SRC: variants seen among roughly 807,000 people sequenced by gnomAD.
The protein encoded by SRC is proto-oncogene tyrosine-protein kinase Src.
In SRC, 13 loss-of-function variants were observed where a neutral mutation model predicts 62.9. The ratio of observed to expected loss-of-function variants is 0.21; its 90% CI spans 0.13 to 0.33. SRC has a LOEUF of 0.33. Among genes scored for constraint, SRC ranks in the 10% least tolerant of loss-of-function variants. The pLI is 1.00. For missense variants in SRC, 457 were observed against 737.3 expected, an observed-to-expected ratio of 0.62 and a Z score of 4.40; for synonymous variants, 302 against 317.5, an observed-to-expected ratio of 0.95 and a Z score of 0.52.
intron 2 of SRC, among the ~76,000 whole-genome samples, chr20:37,376,095 A>G (rs2070272493): frequency 6.6e-6 from 1 of 152,218 alleles, no homozygotes; most frequent in African/African-American, 2.4e-5. Context: ...GGGGATGCAC[A>G]TTCAGTCCAT....
rs773313462 is a variant in SRC at position 37,403,259 on chromosome 20, C to T, written c.1491C>T (p.Leu497=). The change falls in exon 14 of 14, where the codon CTC becomes CTT. Residue 497 remains leucine, a synonymous_variant. Transcript: ENST00000373578. This position sits in a 1 kb window ranked among gnomAD's most constrained non-coding sequence, Gnocchi z 7.1. The part of the protein sequence containing the change: ...PPECPESLHD[L]MCQCWRKEPE... ...AGTGTCCCGAGTCCCTGCACGACCT[C>T]ATGTGCCAGTGCTGGCGGAAGGAGC... 7 of 1,594,648 alleles carry T rather than the reference C, an allele frequency of 4.4e-6. No homozygotes were observed. Among genetic ancestry groups the T allele is most frequent in the Non-Finnish European group, 6.0e-6 (7 of 1,171,530 alleles).
At chr20:37,382,595 G>C (rs1044029414) in intron 2 of SRC, 24 bp from the exon 3 acceptor site, 1 of 152,260 alleles carries the variant, frequency 6.6e-6, no homozygotes, top group African/African-American at 2.4e-5. Context: ...GTGCTGAGAT[G>C]TCTGCTTTAT....
chr20:37,397,811 G>A lies in SRC; in HGVS notation c.816G>A (p.Leu272=), dbSNP rs767120573. 6.2e-7 allele frequency: 1 copy of A among 1,611,930 alleles called. No homozygotes were observed. The highest frequency in any genetic ancestry group is 1.1e-5 in the South Asian group (1 of 90,878). ...AWEIPRESLR[L]EVKLGQGCFG... is the part of the protein sequence containing the mutation. The stretch of plus-strand genomic sequence containing the variant: ...AGATCCCTCGGGAGTCGCTGCGGCT[G>A]GAGGTCAAGCTGGGCCAGGGCTGCT... Residue 272 remains leucine, a synonymous_variant, in exon 9 of 14, where the codon CTG becomes CTA. Transcript: ENST00000373578. The surrounding 1 kb of genome is among the most constrained non-coding windows in gnomAD (Gnocchi z 4.1).
intron 10 of SRC, 132 bp downstream of exon 10, chr20:37,400,426 C>T: frequency 1.2e-6 from 1 of 800,578 alleles, no homozygotes. Context: ...TTCTCTGTTG[C>T]CTGGGCCGGA....
At chr20:37,387,338 C>A (rs1306112809) in intron 5 of SRC, among the ~76,000 whole-genome samples, 2 of 152,176 alleles carry the variant, frequency 1.3e-5, no homozygotes, top group Non-Finnish European at 2.9e-5. Flanking sequence ...AGTTGCCATG[C>A]CAGTCGTCTC....
In SRC at chr20:37,352,746, T is replaced by G. The variant is rs377197533; in HGVS notation, c.-247+6491T>G. Among the ~76,000 whole-genome samples the G allele has an allele frequency of 2.0e-5, 3 of 151,850 alleles. No individual in the cohort carries two copies. In the East Asian group the frequency reaches 5.8e-4, roughly 30 times the overall value. On this transcript the variant is annotated intron_variant, in intron 1 of 13. Transcript: ENST00000373578. ...GCTGCACAGCAAGGGCCCCTAGAGG[T>G]GCCCTGCCCCGATCATCTCCCATAT...
intron 5 of SRC, among the ~76,000 whole-genome samples, chr20:37,390,134 T>C (rs1438739517): frequency 1.3e-5 from 2 of 152,202 alleles, no homozygotes; most frequent in Admixed American, 1.3e-4. Context: ...TGACGCTCAC[T>C]GTTTACACAC....
rs769407313 is a variant in SRC at position 37,394,281 on chromosome 20, C to T, written c.553+4C>T. On this transcript the variant is annotated splice_donor_region_variant and intron_variant, in intron 7 of 13. Transcript: ENST00000373578. ...CGAGAAAGTGAGACCACGAAAGGTA[C>T]GAGCGCTCTTGCTGGCCAACGGATA... is the stretch of plus-strand genomic sequence containing the variant. 43 of 1,613,142 alleles carry T rather than the reference C, an allele frequency of 2.7e-5. No homozygotes were observed. The highest frequency in any genetic ancestry group is 2.3e-4 in the Admixed American group (14 of 60,006).
At position 37,404,194 on chromosome 20, in the gene SRC, G is replaced by A; in HGVS notation, c.*815G>A. On this transcript the variant is annotated 3_prime_UTR_variant, in exon 14 of 14. Transcript: ENST00000373578. Reference sequence around the variant, plus strand: ...ATCATGGAAAGACTGGGACAGCCCAGGAAACAAGGGGTCTGAGGATGCATT... The same window carrying A: ...ATCATGGAAAGACTGGGACAGCCCAAGAAACAAGGGGTCTGAGGATGCATT... 4.3e-6 allele frequency: 1 copy of A among 233,732 alleles called. No homozygotes were observed. Among genetic ancestry groups the A allele is most frequent in the Non-Finnish European group, 8.5e-6 (1 of 118,074 alleles). 14.5% of individuals were successfully genotyped at this position (233,732 alleles called of 1,614,324 possible).
At chr20:37,353,351 G>A (rs146334793) in intron 1 of SRC, among the ~76,000 whole-genome samples, 6 of 152,224 alleles carry the variant, frequency 3.9e-5, no homozygotes, top group Non-Finnish European at 8.8e-5. Flanking sequence ...TTGTCAAAAG[G>A]AGGATTTGGA....
At chr20:37,349,645 C>T (rs1209213350) in intron 1 of SRC, among the ~76,000 whole-genome samples, 2 of 152,204 alleles carry the variant, frequency 1.3e-5, no homozygotes. Flanking sequence ...CACTCGGCCT[C>T]TCTGGGTCTG....
chr20:37,402,892 C>T lies in SRC; in HGVS notation c.1402+12C>T, dbSNP rs763750713. The T allele has an allele frequency of 4.2e-5, 68 of 1,610,748 alleles. No individual in the cohort carries two copies. Among genetic ancestry groups the T allele is most frequent in the Middle Eastern group, 1.7e-4 (1 of 6,016 alleles). On this transcript the variant is annotated intron_variant, in intron 13 of 13. Transcript: ENST00000373578. The surrounding 1 kb of genome is among the most constrained non-coding windows in gnomAD (Gnocchi z 6.2). ...GGTGCCCTACCCTGGTAAGAAGGTC[C>T]TCATGGCCTGTCTGTGGTCCCTGAA...
Position 37,402,230 on chromosome 20 carries a change from G to T in SRC, c.1117-205G>T. Reference sequence around the variant, plus strand: ...CTTTGACCTTTGCCTTCTGCCCTCTGCTCTGTGCCCTGTGCTCCCTACTCC... The same window carrying T: ...CTTTGACCTTTGCCTTCTGCCCTCTTCTCTGTGCCCTGTGCTCCCTACTCC... On this transcript the variant is annotated intron_variant, in intron 11 of 13. Coordinates refer to ENST00000373578, the MANE Select transcript of SRC (RefSeq NM_198291.3). The surrounding 1 kb of genome is among the most constrained non-coding windows in gnomAD (Gnocchi z 6.2). 1 of 590,280 alleles carries T rather than the reference G, an allele frequency of 1.7e-6. No individual in the cohort carries two copies. Among genetic ancestry groups the T allele is most frequent in the Non-Finnish European group, 2.9e-6 (1 of 342,444 alleles). 36.6% of individuals were successfully genotyped at this position (590,280 alleles called of 1,614,324 possible). A position where few individuals can be genotyped will look rare whatever the true frequency, so the allele number is the denominator to read the frequency against.
At chr20:37,379,760 G>A (rs983295315) in intron 2 of SRC, among the ~76,000 whole-genome samples, 9 of 150,282 alleles carry the variant, frequency 6.0e-5, no homozygotes, top group Admixed American at 2.0e-4. Context: ...GCCAGGCGTG[G>A]TATTCGGTGA....
chr20:37,370,662 G>A lies in SRC; in HGVS notation c.-173+5385G>A, dbSNP rs573566139. Among the ~76,000 whole-genome samples the A allele has an allele frequency of 3.4e-3, 519 of 152,244 alleles. 2 individuals carry two copies. Among genetic ancestry groups the A allele is most frequent in the Non-Finnish European group, 6.0e-3 (409 of 68,010 alleles). ...TTCTTTTCATATGTTGCTGGATCCA[G>A]TTTTCTAGTATTTTGTAGAAGATTT... On this transcript the variant is annotated intron_variant, in intron 2 of 13. Transcript: ENST00000373578.
In SRC at chr20:37,384,372, C is replaced by T; in HGVS notation, c.219C>T (p.Val73=). Residue 73 remains valine, a synonymous_variant, in exon 4 of 14, where the codon GTC becomes GTT. Coordinates refer to ENST00000373578, the MANE Select transcript of SRC (RefSeq NM_198291.3). The surrounding 1 kb of genome is among the most constrained non-coding windows in gnomAD (Gnocchi z 6.7). ...GAGGCTTCAACTCCTCGGACACCGTCACCTCCCCGCAGAGGGCGGGCCCGC... is the reference window on the plus strand; with the variant it reads ...GAGGCTTCAACTCCTCGGACACCGTTACCTCCCCGCAGAGGGCGGGCCCGC... The part of the protein sequence containing the change: ...LFGGFNSSDT[V]TSPQRAGPLA... 1 of 1,456,684 alleles carries T rather than the reference C, an allele frequency of 6.9e-7. No homozygotes were observed. 90.2% of individuals were successfully genotyped at this position (1,456,684 alleles called of 1,614,324 possible). A position where few individuals can be genotyped will look rare whatever the true frequency, so the allele number is the denominator to read the frequency against.
intron 2 of SRC, among the ~76,000 whole-genome samples, chr20:37,374,520 T>G (rs898621330): frequency 6.6e-6 from 1 of 152,156 alleles, no homozygotes; most frequent in Non-Finnish European, 1.5e-5. Flanking sequence ...TTGCAGTAGA[T>G]TCTCTTGGAT....
chr20:37,384,346 G>A lies in SRC; in HGVS notation c.193G>A (p.Gly65Arg). The A allele has an allele frequency of 6.8e-7, 1 of 1,467,522 alleles. No homozygotes were observed. Among genetic ancestry groups the A allele is most frequent in the Admixed American group, 2.6e-5 (1 of 38,484 alleles). The allele number at this position is 1,467,522 out of a possible 1,614,324, so 90.9% of individuals were successfully genotyped here. ...CGCGGCCGCCGAGCCCAAGCTGTTC[G>A]GAGGCTTCAACTCCTCGGACACCGT... ...APAAAEPKLF[G>R]GFNSSDTVTS... is the part of the protein sequence containing the mutation. The change falls in exon 4 of 14, where the codon GGA becomes AGA. Residue 65 changes from glycine (G) to arginine (R), a missense_variant. Physicochemically the swap from Gly to Arg is moderately radical, Grantham distance 125. Transcript: ENST00000373578. The surrounding 1 kb of genome is among the most constrained non-coding windows in gnomAD (Gnocchi z 6.7).
At chr20:37,401,529 A>G in intron 10 of SRC, 73 bp from the exon 11 acceptor site, 3 of 1,196,644 alleles carry the variant, frequency 2.5e-6, no homozygotes, top group African/African-American at 1.6e-5. Flanking sequence ...ACCTGGGAGG[A>G]TGGGTTTTGG....
Sources: gnomAD v4.1 joint callset for allele counts (sites outside exome capture counted in the v4.1 genomes callset) on GRCh38, gnomAD v4.1.1 for gene constraint, Gnocchi (gnomAD v3.1) non-coding constraint, MANE v1.5 for transcripts, NCBI Gene and HGNC (gene_info 2026-07-23, HGNC 2026-07-21) for gene names.